Variants in ALG14 observed in about 807,000 individuals in gnomAD.
The protein encoded by ALG14 is ALG14 UDP-N-acetylglucosaminyltransferase subunit, also known as UDP-N-acetylglucosamine transferase subunit ALG14.
A neutral mutation model predicts 22.8 loss-of-function variants in ALG14; 17 were observed. The observed-to-expected ratio is 0.75, with a 90% CI of 0.51 to 1.12. The LOEUF is 1.12. Among genes scored for constraint, ALG14 ranks in the 50% most tolerant of loss-of-function variants. ALG14 has a pLI of 0.00. For synonymous variants in ALG14, 89 were observed against 103.7 expected (o/e 0.86, Z 0.86); for missense variants, 288 against 271.8 (o/e 1.06, Z -0.42).
chr1:94,997,057 G>A (rs1197074886), intron 3 of ALG14, among the ~76,000 whole-genome samples: 1 of 152,152 alleles, frequency 6.6e-6, no homozygotes, highest in Non-Finnish European at 1.5e-5. Context: ...ACCCAAAAGT[G>A]GAAAAACAGA....
chr1:95,012,058 T>C (rs1673379092), intron 3 of ALG14, among the ~76,000 whole-genome samples: 1 of 152,188 alleles, frequency 6.6e-6, no homozygotes, highest in Admixed American at 6.5e-5. Context: ...GATGATTTTA[T>C]AAGGGGTTTC....
intron 2 of ALG14, among the ~76,000 whole-genome samples, chr1:95,053,687 C>T (rs1481997783): frequency 2.0e-5 from 3 of 152,074 alleles, no homozygotes; most frequent in African/African-American, 7.2e-5. Context: ...TGGCCTCCCA[C>T]AGCGTTAGGA....
intron 2 of ALG14, among the ~76,000 whole-genome samples, chr1:95,029,448 T>C (rs900370935): frequency 8.5e-5 from 13 of 152,192 alleles, no homozygotes; most frequent in Non-Finnish European, 1.3e-4. Context: ...CTATTTGATA[T>C]GGAAGGGGCT....
At chr1:95,046,960 C>G (rs964954192) in intron 2 of ALG14, among the ~76,000 whole-genome samples, 3 of 145,792 alleles carry the variant, frequency 2.1e-5, no homozygotes, top group Admixed American at 6.9e-5. Flanking sequence ...GAGTGAAACC[C>G]TGTCTCACAA....
intron 1 of ALG14, among the ~76,000 whole-genome samples, chr1:95,066,675 G>A (rs886267668): frequency 6.6e-6 from 1 of 152,046 alleles, no homozygotes; most frequent in Non-Finnish European, 1.5e-5. Context: ...TTCTTGACTG[G>A]GGCATATAAT....
At position 95,029,382 on chromosome 1, in the gene ALG14, T is replaced by A. The variant is rs539891156; in HGVS notation, c.289-2122A>T. On this transcript the variant is annotated intron_variant, in intron 2 of 3. Transcript: ENST00000370205. ...TTGTCACGTCTTTTATGACCTGACC[T>A]CAGAAGTCACATTTTGATATTTCTG... Among the ~76,000 whole-genome samples the A allele has an allele frequency of 2.0e-5, 3 of 152,342 alleles. No homozygotes were observed. In the South Asian group the frequency reaches 6.2e-4, roughly 32 times the overall value.
At chr1:95,011,602 T>C (rs1673365049) in intron 3 of ALG14, among the ~76,000 whole-genome samples, 1 of 152,070 alleles carries the variant, frequency 6.6e-6, no homozygotes, top group African/African-American at 2.4e-5. Context: ...ATTTTTCTTG[T>C]ATTTTTAGTA....
intron 3 of ALG14, among the ~76,000 whole-genome samples, chr1:94,987,220 C>T (rs1557938865): frequency 1.3e-5 from 2 of 152,184 alleles, no homozygotes; most frequent in African/African-American, 4.8e-5. Flanking sequence ...GGAAACCAGA[C>T]CTGTCCCTAG....
intron 2 of ALG14, among the ~76,000 whole-genome samples, chr1:95,060,223 C>T (rs1446398165): frequency 2.0e-5 from 3 of 151,640 alleles, no homozygotes; most frequent in Non-Finnish European, 4.4e-5. Context: ...ACGCTATCTC[C>T]CTCAACAGCT....
chr1:95,072,717 T>C (rs1465892580), intron 1 of ALG14, 46 bp downstream of exon 1: 5 of 1,601,690 alleles, frequency 3.1e-6, no homozygotes, highest in Non-Finnish European at 4.3e-6. Flanking sequence ...ACTCTGGGGT[T>C]TGTAGTGACC....
rs1672384207 is a variant in ALG14, at chr1:94,975,835, C to T, written c.*7241G>A. 1 of 150,976 alleles carries T rather than the reference C, an allele frequency of 6.6e-6. No individual in the cohort carries two copies. Among genetic ancestry groups the T allele is most frequent in the Admixed American group, 6.6e-5 (1 of 15,134 alleles). The allele number at this position is 150,976 out of a possible 1,614,324, so 9.4% of individuals were successfully genotyped here. ...CTAACACAGTGAAACCCTGTCTCTA[C>T]TAAAAATACAAAAAAAACAAACAAA... On this transcript the variant is annotated 3_prime_UTR_variant, in exon 4 of 4. Coordinates refer to ENST00000370205, the MANE Select transcript of ALG14 (RefSeq NM_144988.4).
intron 3 of ALG14, among the ~76,000 whole-genome samples, chr1:94,993,044 A>T (rs767884891): frequency 6.6e-6 from 1 of 150,576 alleles, no homozygotes; most frequent in Admixed American, 6.7e-5. Context: ...TCTTGTCCTC[A>T]AGTCCTGTTA....
chr1:95,018,492 T>C lies in ALG14; in HGVS notation c.420+8637A>G, dbSNP rs530289592. Among the ~76,000 whole-genome samples the C allele has an allele frequency of 1.9e-4, 29 of 152,060 alleles. No individual in the cohort carries two copies. In the South Asian group the frequency reaches 4.6e-3, roughly 24 times the overall value. On this transcript the variant is annotated intron_variant, in intron 3 of 3. Coordinates refer to ENST00000370205, the MANE Select transcript of ALG14 (RefSeq NM_144988.4). ...CAGATGTTGCAGTAAGCCGAGCTCA[T>C]GTCAATGCACTCCAGCCTGGGTGAC...
intron 3 of ALG14, among the ~76,000 whole-genome samples, chr1:94,994,725 G>A (rs1672865791): frequency 6.6e-6 from 1 of 152,162 alleles, no homozygotes; most frequent in African/African-American, 2.4e-5. Flanking sequence ...CTGCCAACTA[G>A]GTCCAGCTTT....
At chr1:95,018,185 T>C (rs1036889866) in intron 3 of ALG14, among the ~76,000 whole-genome samples, 4 of 152,170 alleles carry the variant, frequency 2.6e-5, no homozygotes, top group Non-Finnish European at 5.9e-5. Flanking sequence ...TTGGAAATTA[T>C]AGGAAATCAA....
intron 2 of ALG14, among the ~76,000 whole-genome samples, chr1:95,061,147 T>A (rs1339248569): frequency 1.3e-5 from 2 of 152,168 alleles, no homozygotes; most frequent in Non-Finnish European, 2.9e-5. Context: ...TATGGCCCCA[T>A]GACACCTTGA....
At chr1:95,037,178 G>A (rs539866955) in intron 2 of ALG14, among the ~76,000 whole-genome samples, 5 of 151,990 alleles carry the variant, frequency 3.3e-5, no homozygotes, top group African/African-American at 7.2e-5. Flanking sequence ...TGACAATATC[G>A]CAATTTTCCT....
At chr1:94,984,848 C>T (rs537713799) in intron 3 of ALG14, among the ~76,000 whole-genome samples, 23 of 152,348 alleles carry the variant, frequency 1.5e-4, no homozygotes, top group African/African-American at 5.1e-4. Flanking sequence ...TTATTCACAA[C>T]GCACTATGGC....
intron 3 of ALG14, among the ~76,000 whole-genome samples, chr1:95,018,449 T>C (rs981941287): frequency 3.3e-5 from 5 of 151,860 alleles, no homozygotes; most frequent in African/African-American, 1.2e-4. Context: ...GGCAGGAGAA[T>C]AGCTTGAACC....
Sources: allele counts gnomAD v4.1 joint callset (sites outside exome capture counted in the v4.1 genomes callset), GRCh38; gene constraint gnomAD v4.1.1; transcripts MANE v1.5; gene names NCBI Gene and HGNC (gene_info 2026-07-23, HGNC 2026-07-21).